Variants in ADGRB3 observed in about 807,000 individuals in gnomAD.
ADGRB3 encodes adhesion G protein-coupled receptor B3.
ADGRB3 carries 37 observed loss-of-function variants against 193.4 expected under a neutral mutation model. The ratio of observed to expected loss-of-function variants is 0.19; its 90% CI spans 0.15 to 0.25. The LOEUF is 0.25. Ranked by LOEUF, ADGRB3 falls within the 10% of genes least tolerant of loss-of-function variation. The pLI, the probability that ADGRB3 is intolerant of heterozygous loss-of-function variation, is 1.00. For missense variants in ADGRB3, 1,637 were observed against 1,852.9 expected (o/e 0.88, Z 2.14); for synonymous variants, 690 against 644.2 (o/e 1.07, Z -1.08).
At chr6:69,018,689 AT>A (rs1200388215) in intron 13 of ADGRB3, among the ~76,000 whole-genome samples, 190 bp downstream of exon 13, 1 of 151,906 alleles carries the variant, frequency 6.6e-6, no homozygotes, top group Non-Finnish European at 1.5e-5. Flanking sequence ...ATGTACGCGT[AT>A]ATTTGTATTT....
At chr6:68,747,156 A>G (rs971550690) in intron 3 of ADGRB3, among the ~76,000 whole-genome samples, 9 of 152,224 alleles carry the variant, frequency 5.9e-5, no homozygotes, top group African/African-American at 2.2e-4. Context: ...CAGGAAAAAT[A>G]TGCCTTAGAT....
At chr6:69,351,412 T>TA (rs1374661651) in intron 26 of ADGRB3, among the ~76,000 whole-genome samples, 2 of 151,998 alleles carry the variant, frequency 1.3e-5, no homozygotes, top group Admixed American at 6.6e-5. Flanking sequence ...TTTTTAAGAT[T>TA]AAAAAAATAA....
chr6:69,024,726 T>C (rs1770374771), intron 13 of ADGRB3, among the ~76,000 whole-genome samples: 1 of 152,228 alleles, frequency 6.6e-6, no homozygotes, highest in Admixed American at 6.5e-5. Flanking sequence ...GCTAGTGCCT[T>C]GAAAGCATTA....
At chr6:69,215,995 G>T (rs542606418) in intron 17 of ADGRB3, among the ~76,000 whole-genome samples, 1 of 151,988 alleles carries the variant, frequency 6.6e-6, no homozygotes, top group Admixed American at 6.6e-5. Flanking sequence ...ATGGTTTTTC[G>T]TCTTCCATTG....
At chr6:69,162,756 A>G (rs902712505) in intron 17 of ADGRB3, among the ~76,000 whole-genome samples, 3 of 152,148 alleles carry the variant, frequency 2.0e-5, no homozygotes, top group African/African-American at 4.8e-5. Flanking sequence ...AAACTATGTA[A>G]AATAGATAGA....
At chr6:69,332,591 T>C (rs1768753893) in intron 23 of ADGRB3, 1 of 985,300 alleles carries the variant, frequency 1.0e-6, no homozygotes, top group Admixed American at 6.1e-5. Context: ...TTTAGCCAAA[T>C]GATTTTACTC....
At chr6:69,092,165 A>C (rs1441484158) in intron 17 of ADGRB3, among the ~76,000 whole-genome samples, 1 of 152,110 alleles carries the variant, frequency 6.6e-6, no homozygotes, top group Non-Finnish European at 1.5e-5. Context: ...CCTCCTTTTA[A>C]CCTATTTAAA....
chr6:69,241,039 A>T (rs1766373675), intron 20 of ADGRB3, among the ~76,000 whole-genome samples: 1 of 151,872 alleles, frequency 6.6e-6, no homozygotes, highest in Non-Finnish European at 1.5e-5. Context: ...CCCTTAGACT[A>T]GGAAAACTGC....
At chr6:68,904,090 G>A (rs1766476161) in intron 3 of ADGRB3, among the ~76,000 whole-genome samples, 1 of 67,790 alleles carries the variant, frequency 1.5e-5, no homozygotes, top group South Asian at 4.8e-4. Context: ...CTGGAGGGCG[G>A]GAGGAAGGAA....
At chr6:68,682,761 C>A (rs1764917795) in intron 3 of ADGRB3, among the ~76,000 whole-genome samples, 1 of 151,662 alleles carries the variant, frequency 6.6e-6, no homozygotes, top group Non-Finnish European at 1.5e-5. Flanking sequence ...GCAATGTTTT[C>A]TTTTTCTTTC....
intron 17 of ADGRB3, among the ~76,000 whole-genome samples, chr6:69,200,714 T>G (rs1765401995): frequency 6.6e-6 from 1 of 152,038 alleles, no homozygotes; most frequent in African/African-American, 2.4e-5. Flanking sequence ...CTTTCACAAG[T>G]GACATTCCAT....
Position 68,911,885 on chromosome 6 carries a change from T to A in ADGRB3, c.758-18674T>A, listed in dbSNP as rs1766723486. Among the ~76,000 whole-genome samples the A allele has an allele frequency of 1.3e-5, 2 of 152,056 alleles. 1 individual carries two copies. The highest frequency in any genetic ancestry group is 4.1e-4 in the South Asian group (2 of 4,832). On this transcript the variant is annotated intron_variant, in intron 3 of 31. Coordinates refer to ENST00000370598, the MANE Select transcript of ADGRB3 (RefSeq NM_001704.3). The stretch of plus-strand genomic sequence containing the variant: ...TCATTTGGTAGTTGTTTCTGTTTTT[T>A]TTTTTAATGTCTGGAAGGATATCTT...
rs533144840 is a variant in ADGRB3 at position 68,948,875 on chromosome 6, GA to G, written c.1195+4888del. On this transcript the variant is annotated intron_variant, in intron 6 of 31. Coordinates refer to ENST00000370598, the MANE Select transcript of ADGRB3 (RefSeq NM_001704.3). The stretch of plus-strand genomic sequence containing the variant: ...TGGATTTAATTATATGATTCAGTGG[GA>G]AAAAAAGTGGTGTGTTATTCAGAAG... Among the ~76,000 whole-genome samples the G allele has an allele frequency of 1.7e-4, 26 of 151,994 alleles. No homozygotes were observed. In the East Asian group the frequency reaches 2.3e-3, roughly 14 times the overall value.
At chr6:69,340,041 T>C (rs550376902) in intron 26 of ADGRB3, among the ~76,000 whole-genome samples, 13 of 152,194 alleles carry the variant, frequency 8.5e-5, no homozygotes, top group Non-Finnish European at 1.8e-4. Flanking sequence ...TTATTGCTTT[T>C]GATATGGATG....
chr6:69,041,908 T>G (rs534864430), intron 13 of ADGRB3, among the ~76,000 whole-genome samples: 2 of 152,304 alleles, frequency 1.3e-5, no homozygotes, highest in East Asian at 1.9e-4. Flanking sequence ...TTTTAAATGT[T>G]AACTAAGTGA....
At chr6:68,939,207 T>C (rs1421323078) in intron 5 of ADGRB3, among the ~76,000 whole-genome samples, 1 of 152,152 alleles carries the variant, frequency 6.6e-6, no homozygotes, top group Non-Finnish European at 1.5e-5. Context: ...AACTTAAAGA[T>C]TTTTAAATTA....
At chr6:69,343,357 CCA>C (rs1187786769) in intron 26 of ADGRB3, among the ~76,000 whole-genome samples, 1 of 138,510 alleles carries the variant, frequency 7.2e-6, no homozygotes, top group East Asian at 2.1e-4. Context: ...ACCACAGTCC[CCA>C]GAGTGTGATA....
intron 17 of ADGRB3, among the ~76,000 whole-genome samples, chr6:69,158,914 C>A (rs751723652): frequency 1.3e-5 from 2 of 152,088 alleles, no homozygotes; most frequent in Admixed American, 6.6e-5. Context: ...AAGTCAGAAT[C>A]AAGCTCCTAG....
intron 3 of ADGRB3, among the ~76,000 whole-genome samples, chr6:68,668,739 T>C (rs1768861955): frequency 6.6e-6 from 1 of 151,846 alleles, no homozygotes; most frequent in Admixed American, 6.6e-5. Flanking sequence ...TTTAATGCTT[T>C]AAGGCCCATA....
Sources: gnomAD v4.1 joint callset for allele counts (sites outside exome capture counted in the v4.1 genomes callset) on GRCh38, gnomAD v4.1.1 for gene constraint, MANE v1.5 for transcripts, NCBI Gene and HGNC (gene_info 2026-07-23, HGNC 2026-07-21) for gene names.